ROBO2: variants seen among roughly 807,000 people sequenced by gnomAD.
ROBO2 encodes roundabout homolog 2.
A neutral mutation model predicts 160.8 loss-of-function variants in ROBO2; 53 were observed. The observed-to-expected ratio is 0.33, with a 90% confidence interval of 0.26 to 0.41. ROBO2 has a LOEUF of 0.41. Ranked by LOEUF, ROBO2 falls within the 10% of genes least tolerant of loss-of-function variation. The pLI, the probability that ROBO2 is intolerant of heterozygous loss-of-function variation, is 1.00. For missense variants in ROBO2, 1,577 were observed against 1,722.4 expected, an observed-to-expected ratio of 0.92 and a Z score of 1.49; for synonymous variants, 664 against 611.7, an observed-to-expected ratio of 1.09 and a Z score of -1.26.
intron 2 of ROBO2, among the ~76,000 whole-genome samples, chr3:77,376,260 T>C (rs1407597826): frequency 6.8e-6 from 1 of 147,596 alleles, no homozygotes; most frequent in Non-Finnish European, 1.5e-5. Flanking sequence ...GTTCAAGCGA[T>C]TCTCCTGCCT....
At chr3:75,988,542 C>A (rs920255430) in intron 2 of ROBO2, among the ~76,000 whole-genome samples, 9 of 151,762 alleles carry the variant, frequency 5.9e-5, no homozygotes, top group African/African-American at 2.2e-4. Flanking sequence ...TTTCTTTGTT[C>A]TTCTTTTTCT....
chr3:76,360,608 G>A (rs1279039128), intron 2 of ROBO2, among the ~76,000 whole-genome samples: 4 of 152,018 alleles, frequency 2.6e-5, no homozygotes, highest in Admixed American at 6.6e-5. Flanking sequence ...TTTCCTTAAC[G>A]AAGACTTTTT....
At chr3:75,946,315 G>A (rs1948290071) in intron 2 of ROBO2, among the ~76,000 whole-genome samples, 1 of 151,960 alleles carries the variant, frequency 6.6e-6, no homozygotes, top group Non-Finnish European at 1.5e-5. Context: ...AAAAGGATTA[G>A]CATATACATG....
chr3:76,101,415 A>G (rs1048108279), intron 2 of ROBO2, among the ~76,000 whole-genome samples: 1 of 152,158 alleles, frequency 6.6e-6, no homozygotes, highest in South Asian at 2.1e-4. Context: ...TGAATTTGCA[A>G]CACTAAAAGG....
At chr3:76,511,524 G>C (rs1164838895) in intron 2 of ROBO2, among the ~76,000 whole-genome samples, 1 of 151,996 alleles carries the variant, frequency 6.6e-6, no homozygotes, top group Non-Finnish European at 1.5e-5. Context: ...ATGTGACCAG[G>C]ATATCTTTAG....
chr3:76,277,817 A>G (rs1708014219), intron 2 of ROBO2, among the ~76,000 whole-genome samples: 1 of 151,958 alleles, frequency 6.6e-6, no homozygotes, highest in Non-Finnish European at 1.5e-5. Context: ...AGTAAAAGTT[A>G]ATACCAACTT....
chr3:76,127,517 A>G (rs1417040275), intron 2 of ROBO2, among the ~76,000 whole-genome samples: 1 of 152,022 alleles, frequency 6.6e-6, no homozygotes, highest in Non-Finnish European at 1.5e-5. Context: ...ATATAGTTGG[A>G]CACGTTTATA....
chr3:77,534,641 A>T (rs1252454030), intron 6 of ROBO2, among the ~76,000 whole-genome samples: 1 of 152,216 alleles, frequency 6.6e-6, no homozygotes, highest in Non-Finnish European at 1.5e-5. Context: ...TCAAGGGAAT[A>T]GTACATAATT....
In ROBO2 at chr3:77,080,634, CT is replaced by C. The variant is rs571208898; in HGVS notation, c.62-17379del. Among the ~76,000 whole-genome samples, 50 of 152,250 alleles carry C rather than the reference CT, an allele frequency of 3.3e-4. 2 individuals carry two copies. The South Asian group carries it at 0.01, about 32-fold the overall frequency. On this transcript the variant is annotated intron_variant, in intron 1 of 25. Coordinates refer to ENST00000461745, the Ensembl canonical transcript of ROBO2. ...CTTACAGGAGAAAAAAATCTCACCC[CT>C]ATCCCCTCTCTGCTCGAGAATTTGT...
chr3:76,816,987 C>T (rs1297879547), intron 2 of ROBO2, among the ~76,000 whole-genome samples: 8 of 152,022 alleles, frequency 5.3e-5, no homozygotes, highest in Non-Finnish European at 8.8e-5. Context: ...AACCAAACGC[C>T]GCATGTTCTC....
At chr3:76,143,112 G>A (rs865887672) in intron 2 of ROBO2, among the ~76,000 whole-genome samples, 4 of 151,886 alleles carry the variant, frequency 2.6e-5, no homozygotes, top group East Asian at 1.9e-4. Context: ...CAGCATCCTC[G>A]AACTCCCTGG....
At chr3:76,845,763 A>G (rs1229879355) in intron 2 of ROBO2, among the ~76,000 whole-genome samples, 1 of 152,048 alleles carries the variant, frequency 6.6e-6, no homozygotes, top group Admixed American at 6.6e-5. Context: ...CAACATGGTA[A>G]CCTTCATTTA....
In ROBO2 at chr3:77,617,687, C is replaced by T. The variant is rs778809353; in HGVS notation, c.3468C>T (p.Ser1156=). 47 of 1,613,948 alleles carry T rather than the reference C, an allele frequency of 2.9e-5. No individual in the cohort carries two copies. The highest frequency in any genetic ancestry group is 1.7e-4 in the Middle Eastern group (1 of 6,050). Residue 1156 remains serine, a synonymous_variant, in exon 22 of 26, where the codon TCC becomes TCT. Transcript: ENST00000461745. ...AGTCCACTGCAACTCTTACTCCATC[C>T]CCACGGGAAGAGATGCAACCCATGC...
At chr3:77,142,215 A>G (rs961703072) in intron 2 of ROBO2, among the ~76,000 whole-genome samples, 1 of 152,250 alleles carries the variant, frequency 6.6e-6, no homozygotes, top group African/African-American at 2.4e-5. Flanking sequence ...AAGATGGATT[A>G]TAAAGAGAAT....
intron 2 of ROBO2, among the ~76,000 whole-genome samples, chr3:75,998,162 G>A (rs190080138): frequency 8.6e-4 from 131 of 152,224 alleles, no homozygotes; most frequent in African/African-American, 3.1e-3. Flanking sequence ...TTCAATAAAT[G>A]CTATACGAGC....
chr3:77,483,375 A>T (rs2084937119), intron 4 of ROBO2, among the ~76,000 whole-genome samples: 1 of 152,088 alleles, frequency 6.6e-6, no homozygotes, highest in South Asian at 2.1e-4. Flanking sequence ...AAGAAAAAAA[A>T]ACAGTGTACT....
chr3:76,948,908 A>ATATATATATATATATATATATT (rs1209284372), intron 2 of ROBO2, among the ~76,000 whole-genome samples: 1 of 24,970 alleles, frequency 4.0e-5, no homozygotes, highest in African/African-American at 1.8e-4. Context: ...ATATATATAT[A>ATATATATATATATATATATATT]TTTTTTTTTT....
chr3:77,265,221 G>A (rs1041861767), intron 2 of ROBO2, among the ~76,000 whole-genome samples: 1 of 152,150 alleles, frequency 6.6e-6, no homozygotes, highest in Non-Finnish European at 1.5e-5. Context: ...TCTGCGACCA[G>A]AAAATGGAGG....
chr3:76,746,892 A>G (rs938410356), intron 2 of ROBO2, among the ~76,000 whole-genome samples: 3 of 152,126 alleles, frequency 2.0e-5, no homozygotes, highest in African/African-American at 7.2e-5. Context: ...TATAAGTGAG[A>G]ACATGCGGCA....
Sources: gnomAD v4.1 joint callset for allele counts (sites outside exome capture counted in the v4.1 genomes callset) on GRCh38, gnomAD v4.1.1 for gene constraint, MANE v1.5 for transcripts, NCBI Gene and HGNC (gene_info 2026-07-23, HGNC 2026-07-21) for gene names.